The following B4GALT1 variants were observed in gnomAD, a reference collection of about 807,000 sequenced individuals.
B4GALT1 encodes the protein N-acetyllactosamine synthase.
Under a neutral mutation model 34.9 loss-of-function variants are expected in B4GALT1, and 16 were observed. The ratio of observed to expected loss-of-function variants is 0.46; its 90% CI spans 0.31 to 0.70. The LOEUF (loss-of-function observed/expected upper bound fraction) is 0.70, where lower values mean the gene tolerates loss of function less well. Ranked by LOEUF, B4GALT1 falls within the 30% of genes least tolerant of loss-of-function variation. B4GALT1 has a pLI of 0.05. For missense variants in B4GALT1, 445 were observed against 530.5 expected (o/e 0.84, Z 1.58); for synonymous variants, 221 against 218.1 (o/e 1.01, Z -0.12).
intron 1 of B4GALT1, among the ~76,000 whole-genome samples, chr9:33,143,748 G>A (rs1422677780): frequency 6.6e-6 from 1 of 152,176 alleles, no homozygotes; most frequent in Admixed American, 6.5e-5. Flanking sequence ...ATTTAAGAAT[G>A]AGGTCAAGAA....
intron 1 of B4GALT1, among the ~76,000 whole-genome samples, chr9:33,158,778 C>A (rs566338398): frequency 6.6e-6 from 1 of 152,340 alleles, no homozygotes; most frequent in Admixed American, 6.5e-5. Context: ...TCTGACCACA[C>A]CATATTGCCA....
At chr9:33,152,329 CATA>C (rs1840529673) in intron 1 of B4GALT1, among the ~76,000 whole-genome samples, 1 of 114,284 alleles carries the variant, frequency 8.8e-6, no homozygotes, top group African/African-American at 3.6e-5. Flanking sequence ...CATAACATAA[CATA>C]ACATAACATA....
intron 4 of B4GALT1, 23 bp downstream of exon 4, chr9:33,115,968 G>C: frequency 3.1e-6 from 5 of 1,605,750 alleles, no homozygotes; most frequent in Non-Finnish European, 4.3e-6. Flanking sequence ...AGAGGAGAAA[G>C]ATATCTAAGT....
At chr9:33,147,281 T>C (rs1840441876) in intron 1 of B4GALT1, among the ~76,000 whole-genome samples, 2 of 149,890 alleles carry the variant, frequency 1.3e-5, no homozygotes, top group African/African-American at 5.0e-5. Context: ...GAGATGGAGT[T>C]TCTCCATCAC....
chr9:33,162,651 A>G (rs1024119226), intron 1 of B4GALT1, among the ~76,000 whole-genome samples: 11 of 152,212 alleles, frequency 7.2e-5, no homozygotes, highest in African/African-American at 2.7e-4. Context: ...AGAGCACTAG[A>G]CAATCCCATC....
At chr9:33,125,994 G>C (rs1051663904) in intron 2 of B4GALT1, among the ~76,000 whole-genome samples, 2 of 152,070 alleles carry the variant, frequency 1.3e-5, no homozygotes, top group African/African-American at 4.8e-5. Flanking sequence ...GCCAAGACTC[G>C]CAATGAGTCA....
At chr9:33,107,949 T>C (rs564322340), downstream of B4GALT1, among the ~76,000 whole-genome samples, 39 of 152,216 alleles carry the variant, frequency 2.6e-4, no homozygotes, top group African/African-American at 8.9e-4. Flanking sequence ...AGCTGCCACA[T>C]AGCAAAGTTC....
At chr9:33,127,120 C>T (rs373210758) in intron 2 of B4GALT1, among the ~76,000 whole-genome samples, 10 of 152,250 alleles carry the variant, frequency 6.6e-5, no homozygotes, top group East Asian at 1.9e-4. Context: ...CCCGCCACCA[C>T]GCCCGGCTAA....
At chr9:33,178,579 C>A in the B4GALT1 span, among the ~76,000 whole-genome samples, 1 of 152,208 alleles carries the variant, frequency 6.6e-6, no homozygotes, top group Non-Finnish European at 1.5e-5. Flanking sequence ...CCCTTTATCC[C>A]AACCTGTACA....
intron 1 of B4GALT1, among the ~76,000 whole-genome samples, chr9:33,160,520 G>A (rs572237505): frequency 2.6e-5 from 4 of 152,224 alleles, no homozygotes; most frequent in Admixed American, 6.5e-5. Context: ...TAATCCCAGC[G>A]CTTTGGGAGG....
rs1169409782 is a variant in B4GALT1, at chr9:33,116,043, A to G, written c.907T>C (p.Phe303Leu). Residue 303 changes from phenylalanine to leucine, a missense_variant, in exon 4 of 6, where the codon TTT becomes CTT. Around this residue, in one of 3 missense-constraint regions of B4GALT1, gnomAD observed 7 missense variants for 27.4 expected, o/e 0.26. Coordinates refer to ENST00000379731, the MANE Select transcript of B4GALT1 (RefSeq NM_001497.4). ...SKQQFLTINGFPNNYWGWGGE... is the reference protein window; with the variant it reads ...SKQQFLTINGLPNNYWGWGGE... ...CCCCAGCCCCAATAATTATTAGGAA[A>G]TCCATTGATGGTTAGAAACTGTTGT... 3.1e-6 allele frequency: 5 copies of G among 1,613,326 alleles called. No individual in the cohort carries two copies. The highest frequency in any genetic ancestry group is 4.2e-6 in the Non-Finnish European group (5 of 1,179,486).
At chr9:33,132,931 C>T (rs575558332) in intron 2 of B4GALT1, among the ~76,000 whole-genome samples, 1 of 152,058 alleles carries the variant, frequency 6.6e-6, no homozygotes. Context: ...GAGACAGAGT[C>T]TCACTCTGTT....
At chr9:33,155,716 T>C (rs1840585501) in intron 1 of B4GALT1, among the ~76,000 whole-genome samples, 1 of 152,224 alleles carries the variant, frequency 6.6e-6, no homozygotes, top group Non-Finnish European at 1.5e-5. Context: ...CTCTTGACTC[T>C]GCCCCAAGGC....
chr9:33,152,049 G>A (rs983617639), intron 1 of B4GALT1, among the ~76,000 whole-genome samples: 1 of 152,194 alleles, frequency 6.6e-6, no homozygotes, highest in Non-Finnish European at 1.5e-5. Flanking sequence ...CGAGTGCAGT[G>A]GCTCACGCCT....
intron 1 of B4GALT1, among the ~76,000 whole-genome samples, chr9:33,163,006 ACTAGTTATCTGAGC>A (rs1327782336): frequency 6.6e-6 from 1 of 152,194 alleles, no homozygotes; most frequent in Non-Finnish European, 1.5e-5. Flanking sequence ...GGCTTACAAG[ACTAGTTATCTGAGC>A]CTAAAGCTTC....
rs577147409 is a variant in B4GALT1, at chr9:33,123,718, T to C, written c.649-3112A>G. Among the ~76,000 whole-genome samples, 9 of 152,318 alleles carry C rather than the reference T, an allele frequency of 5.9e-5. No homozygotes were observed. The South Asian group carries it at 1.9e-3, about 32-fold the overall frequency. ...ATCTAAGCAGAGGCCTAACTGAGAC[T>C]GAACTAAGCATTTTTCCTCTCCCAG... On this transcript the variant is annotated intron_variant, in intron 2 of 5. Transcript: ENST00000379731.
intron 3 of B4GALT1, among the ~76,000 whole-genome samples, chr9:33,116,319 C>T (rs1030163818): frequency 3.3e-5 from 5 of 152,118 alleles, no homozygotes; most frequent in Non-Finnish European, 7.3e-5. Context: ...GCAACTTCCG[C>T]CTCCCGGGTT....
chr9:33,176,979 T>C, the B4GALT1 span, among the ~76,000 whole-genome samples: 2 of 152,216 alleles, frequency 1.3e-5, no homozygotes, highest in African/African-American at 4.8e-5. Context: ...GGCCCCATTT[T>C]ACGGGGAAGG....
At chr9:33,151,607 A>G (rs1234088730) in intron 1 of B4GALT1, among the ~76,000 whole-genome samples, 1 of 152,246 alleles carries the variant, frequency 6.6e-6, no homozygotes, top group Non-Finnish European at 1.5e-5. Context: ...GAAATAATAC[A>G]TATACATACT....
Sources: gnomAD v4.1 joint callset for allele counts (sites outside exome capture counted in the v4.1 genomes callset) on GRCh38, gnomAD v4.1.1 for gene constraint, gnomAD v4.1.1 regional missense constraint, MANE v1.5 for transcripts, NCBI Gene and HGNC (gene_info 2026-07-23, HGNC 2026-07-21) for gene names.